The following PTPRD variants were observed in gnomAD, a reference collection of about 807,000 sequenced individuals.
PTPRD encodes the protein protein tyrosine phosphatase receptor type D, also known as receptor-type tyrosine-protein phosphatase delta.
PTPRD carries 34 observed loss-of-function variants against 214.5 expected under a neutral mutation model. The observed-to-expected ratio is 0.16, with a 90% CI of 0.12 to 0.21. The LOEUF is 0.21. Ranked by LOEUF, PTPRD falls within the 10% of genes least tolerant of loss-of-function variation. The probability of loss-of-function intolerance (pLI) is 1.00; values close to 1 mark genes in which losing one functional copy is unlikely to be tolerated. For missense variants in PTPRD, 2,545 were observed against 2,398.7 expected, an observed-to-expected ratio of 1.06 and a Z score of -1.27; for synonymous variants, 1,128 against 845.7, an observed-to-expected ratio of 1.33 and a Z score of -5.79.
At chr9:8,678,446 T>C (rs2097481867) in intron 12 of PTPRD, among the ~76,000 whole-genome samples, 1 of 152,200 alleles carries the variant, frequency 6.6e-6, no homozygotes, top group South Asian at 2.1e-4. Context: ...TGAGAGAATC[T>C]ATACTCTCTT....
At chr9:9,471,622 C>A (rs1370077585) in intron 8 of PTPRD, among the ~76,000 whole-genome samples, 4 of 152,028 alleles carry the variant, frequency 2.6e-5, no homozygotes, top group Non-Finnish European at 5.9e-5. Flanking sequence ...TATTCCTGAT[C>A]AAGTTTTCTA....
chr9:9,747,764 G>A (rs906964461), intron 6 of PTPRD, among the ~76,000 whole-genome samples: 13 of 152,006 alleles, frequency 8.6e-5, no homozygotes, highest in Non-Finnish European at 1.9e-4. Context: ...TTTTGGCCGG[G>A]CTGGTCTCAA....
chr9:10,145,259 G>T (rs748636596), intron 3 of PTPRD, among the ~76,000 whole-genome samples: 6 of 151,584 alleles, frequency 4.0e-5, no homozygotes, highest in African/African-American at 9.7e-5. Flanking sequence ...TAAAATGAAT[G>T]CTTGCATGTG....
At chr9:9,462,137 C>A (rs2093715132) in intron 8 of PTPRD, among the ~76,000 whole-genome samples, 1 of 152,062 alleles carries the variant, frequency 6.6e-6, no homozygotes, top group African/African-American at 2.4e-5. Context: ...CAATAAATAT[C>A]TGTTGAATTA....
At chr9:9,880,901 A>G (rs1279393586) in intron 5 of PTPRD, among the ~76,000 whole-genome samples, 5 of 152,164 alleles carry the variant, frequency 3.3e-5, no homozygotes, top group African/African-American at 1.2e-4. Flanking sequence ...TATTTTGGAA[A>G]ATAATTACAT....
intron 8 of PTPRD, among the ~76,000 whole-genome samples, chr9:9,424,585 A>G (rs2080108604): frequency 6.6e-6 from 1 of 152,234 alleles, no homozygotes; most frequent in South Asian, 2.1e-4. Flanking sequence ...AAGGCTTCTG[A>G]TAAATGCCAA....
chr9:9,637,212 C>T (rs938558989), intron 7 of PTPRD, among the ~76,000 whole-genome samples: 7 of 152,102 alleles, frequency 4.6e-5, no homozygotes, highest in African/African-American at 1.2e-4. Flanking sequence ...CACAAAATAC[C>T]TTCATTTCAC....
chr9:8,972,956 T>C (rs2154334137), intron 11 of PTPRD, among the ~76,000 whole-genome samples: 1 of 151,998 alleles, frequency 6.6e-6, no homozygotes, highest in East Asian at 1.9e-4. Context: ...AAATTTAAGT[T>C]TCTTTCTGCT....
At position 9,850,252 on chromosome 9, in the gene PTPRD, C is replaced by T. The variant is rs555131688; in HGVS notation, c.-367-83401G>A. Among the ~76,000 whole-genome samples, 6 of 152,198 alleles carry T rather than the reference C, an allele frequency of 3.9e-5. No homozygotes were observed. In the South Asian group the frequency reaches 1.0e-3, roughly 26 times the overall value. The stretch of plus-strand genomic sequence containing the variant: ...CCTGTGATGCTTTGTGGGTTTCAGA[C>T]GCATTCTAAACTTGAGGCTTGGGAG... On this transcript the variant is annotated intron_variant, in intron 5 of 45. Coordinates refer to ENST00000381196, the MANE Select transcript of PTPRD (RefSeq NM_002839.4).
chr9:9,012,774 A>T (rs1051121921), intron 11 of PTPRD, among the ~76,000 whole-genome samples: 2 of 152,182 alleles, frequency 1.3e-5, no homozygotes, highest in African/African-American at 4.8e-5. Context: ...TTTCTGCCAT[A>T]TGAGGGTGTA....
chr9:9,720,644 C>A (rs977071910), intron 7 of PTPRD, among the ~76,000 whole-genome samples: 1 of 152,110 alleles, frequency 6.6e-6, no homozygotes, highest in Non-Finnish European at 1.5e-5. Flanking sequence ...TCATTTGCTG[C>A]ATTGAGACAG....
chr9:9,174,935 G>A (rs1212455417), intron 10 of PTPRD, among the ~76,000 whole-genome samples: 1 of 151,990 alleles, frequency 6.6e-6, no homozygotes, highest in Non-Finnish European at 1.5e-5. Context: ...GCCATTGAAA[G>A]GTGATTAGGT....
rs570274385 is a variant in PTPRD at position 8,945,357 on chromosome 9, C to T, written c.-104+73340G>A. Among the ~76,000 whole-genome samples the T allele has an allele frequency of 2.6e-4, 39 of 152,120 alleles. 1 individual carries two copies. Among genetic ancestry groups the T allele is most frequent in the Non-Finnish European group, 5.6e-4 (38 of 67,972 alleles). ...TCTTTCCTTCATTGACTCTCACCTC[C>T]CGCCTGTAACAGAGCAGTCACCAAG... On this transcript the variant is annotated intron_variant, in intron 11 of 45. Transcript: ENST00000381196.
chr9:10,404,464 T>A (rs189561978), intron 2 of PTPRD, among the ~76,000 whole-genome samples: 3 of 151,884 alleles, frequency 2.0e-5, no homozygotes, highest in Admixed American at 2.0e-4. Flanking sequence ...TTATTTGATT[T>A]TTTCAAAAGT....
At chr9:9,839,743 A>C (rs552122781) in intron 5 of PTPRD, among the ~76,000 whole-genome samples, 2 of 152,224 alleles carry the variant, frequency 1.3e-5, no homozygotes, top group African/African-American at 4.8e-5. Flanking sequence ...CCGCATCGCC[A>C]AGTCAGTCCT....
At chr9:9,690,393 G>C (rs1482605515) in intron 7 of PTPRD, among the ~76,000 whole-genome samples, 1 of 151,900 alleles carries the variant, frequency 6.6e-6, no homozygotes, top group East Asian at 1.9e-4. Context: ...TTCCTTGTCA[G>C]ATGGACAGAT....
rs372144766 is a variant in PTPRD at position 8,342,886 on chromosome 9, G to A, written c.4662-908C>T. On this transcript the variant is annotated intron_variant, in intron 39 of 45. Coordinates refer to ENST00000381196, the MANE Select transcript of PTPRD (RefSeq NM_002839.4). ...AGGATGTATTAGTTTTGTATATGAT[G>A]TGGCATTTGAAGTAGGACTTGAAGG... Among the ~76,000 whole-genome samples, 3 of 152,122 alleles carry A rather than the reference G, an allele frequency of 2.0e-5. No individual in the cohort carries two copies. The East Asian group carries it at 5.8e-4, about 29-fold the overall frequency.
intron 11 of PTPRD, among the ~76,000 whole-genome samples, chr9:8,822,807 A>T (rs2097097784): frequency 6.6e-6 from 1 of 151,834 alleles, no homozygotes; most frequent in South Asian, 2.1e-4. Context: ...TTAAACTTCA[A>T]CCCCCTCCCA....
At chr9:8,875,659 G>A (rs10977332) in intron 11 of PTPRD, among the ~76,000 whole-genome samples, 44,737 of 152,048 alleles carry the variant, frequency 0.29, 6,818 homozygotes, top group Middle Eastern at 0.43. Context: ...GGATGCTCTT[G>A]TATATTATTA....
Sources: gnomAD v4.1 joint callset for allele counts (sites outside exome capture counted in the v4.1 genomes callset) on GRCh38, gnomAD v4.1.1 for gene constraint, MANE v1.5 for transcripts, NCBI Gene and HGNC (gene_info 2026-07-23, HGNC 2026-07-21) for gene names.